The following HS6ST3 variants were observed in gnomAD, a reference collection of about 807,000 sequenced individuals.
HS6ST3 encodes heparan sulfate 6-O-sulfotransferase 3.
A neutral mutation model predicts 36.7 loss-of-function variants in HS6ST3; 12 were observed. That is an observed-to-expected ratio of 0.33 (90% CI 0.21 to 0.53). HS6ST3 has a LOEUF of 0.53. HS6ST3 is among the 20% of genes least tolerant of loss of function. The probability of loss-of-function intolerance (pLI) is 0.95; values close to 1 mark genes in which losing one functional copy is unlikely to be tolerated. For synonymous variants in HS6ST3, 240 were observed against 257.5 expected, an observed-to-expected ratio of 0.93 and a Z score of 0.65; for missense variants, 584 against 640.9, an observed-to-expected ratio of 0.91 and a Z score of 0.96.
intron 1 of HS6ST3, among the ~76,000 whole-genome samples, chr13:96,240,190 CA>C (rs1320100824): frequency 3.3e-5 from 5 of 152,074 alleles, no homozygotes; most frequent in Middle Eastern, 3.2e-3. Context: ...ACTAGGCATA[CA>C]AAAGCAAGAT....
chr13:96,550,384 C>G (rs574591417), intron 1 of HS6ST3, among the ~76,000 whole-genome samples: 190 of 152,254 alleles, frequency 1.2e-3, no homozygotes, highest in South Asian at 3.3e-3. Context: ...TGAGGCCTCA[C>G]CAGAGGCTGA....
At chr13:96,215,473 A>G (rs1000164323) in intron 1 of HS6ST3, among the ~76,000 whole-genome samples, 2 of 152,332 alleles carry the variant, frequency 1.3e-5, no homozygotes, top group African/African-American at 4.8e-5. Flanking sequence ...AGTCAAAATT[A>G]TTTCTTGGTG....
intron 1 of HS6ST3, among the ~76,000 whole-genome samples, chr13:96,799,298 C>T (rs963865497): frequency 6.6e-6 from 1 of 152,048 alleles, no homozygotes; most frequent in Admixed American, 6.6e-5. Flanking sequence ...TTAATGATTG[C>T]CATTCTAACT....
chr13:96,180,972 G>A (rs1566901335), intron 1 of HS6ST3, among the ~76,000 whole-genome samples: 1 of 152,142 alleles, frequency 6.6e-6, no homozygotes, highest in Non-Finnish European at 1.5e-5. Context: ...GTTATGGAGA[G>A]TTAATTTGCC....
chr13:96,285,919 T>C (rs1925122), intron 1 of HS6ST3, among the ~76,000 whole-genome samples: 51,377 of 143,764 alleles, frequency 0.36, 9,196 homozygotes, highest in South Asian at 0.42. Flanking sequence ...CTCCCCCACT[T>C]TCCCTCCTTC....
intron 1 of HS6ST3, among the ~76,000 whole-genome samples, chr13:96,137,829 T>G (rs991639831): frequency 6.6e-6 from 1 of 152,232 alleles, no homozygotes; most frequent in African/African-American, 2.4e-5. Flanking sequence ...TGAACATTTT[T>G]AAAGAATGTT....
chr13:96,572,520 A>T (rs1257328678), intron 1 of HS6ST3, among the ~76,000 whole-genome samples: 1 of 152,158 alleles, frequency 6.6e-6, no homozygotes, highest in Non-Finnish European at 1.5e-5. Context: ...CAGTAGATAT[A>T]TCTGGCAGTA....
intron 1 of HS6ST3, among the ~76,000 whole-genome samples, chr13:96,255,166 C>T (rs2054630757): frequency 6.6e-6 from 1 of 152,210 alleles, no homozygotes; most frequent in African/African-American, 2.4e-5. Flanking sequence ...CAGAGATAAG[C>T]ATCTCCATCC....
intron 1 of HS6ST3, among the ~76,000 whole-genome samples, chr13:96,245,453 C>T (rs1366527161): frequency 2.0e-5 from 3 of 152,262 alleles, no homozygotes; most frequent in Non-Finnish European, 2.9e-5. Context: ...AGAGTTTCCT[C>T]GGCCCATTCA....
chr13:96,627,243 G>A (rs2056516166), intron 1 of HS6ST3, among the ~76,000 whole-genome samples: 1 of 152,048 alleles, frequency 6.6e-6, no homozygotes, highest in Admixed American at 6.5e-5. Flanking sequence ...AATCATAAAT[G>A]TGTGTTGAGT....
At chr13:96,292,468 T>C (rs955083566) in intron 1 of HS6ST3, among the ~76,000 whole-genome samples, 1 of 152,136 alleles carries the variant, frequency 6.6e-6, no homozygotes, top group African/African-American at 2.4e-5. Context: ...AAATTAAAAG[T>C]ACTTTATTAA....
intron 1 of HS6ST3, among the ~76,000 whole-genome samples, chr13:96,439,003 G>C (rs527554046): frequency 1.9e-3 from 286 of 152,140 alleles, no homozygotes; most frequent in African/African-American, 6.4e-3. Flanking sequence ...GGAGGCAGAG[G>C]CTGCAGTGAA....
chr13:96,348,774 A>G lies in HS6ST3; in HGVS notation c.707+257205A>G, dbSNP rs539847451. On this transcript the variant is annotated intron_variant, in intron 1 of 1. Coordinates refer to ENST00000376705, the MANE Select transcript of HS6ST3 (RefSeq NM_153456.4). Reference sequence around the variant, plus strand: ...GTGTGGGCACATCTTGGAGCAGCCAATCTCTTTTCATCTGCATCTCTTTAG... The same window carrying G: ...GTGTGGGCACATCTTGGAGCAGCCAGTCTCTTTTCATCTGCATCTCTTTAG... Among the ~76,000 whole-genome samples, 8 of 152,290 alleles carry G rather than the reference A, an allele frequency of 5.3e-5. No homozygotes were observed. In the South Asian group the frequency reaches 6.2e-4, roughly 12 times the overall value.
At chr13:96,618,751 T>C (rs1451293774) in intron 1 of HS6ST3, among the ~76,000 whole-genome samples, 1 of 152,184 alleles carries the variant, frequency 6.6e-6, no homozygotes, top group Non-Finnish European at 1.5e-5. Flanking sequence ...CCACCTTTTG[T>C]CATTTACATT....
intron 1 of HS6ST3, among the ~76,000 whole-genome samples, chr13:96,418,294 A>G (rs2055544911): frequency 6.6e-6 from 1 of 152,244 alleles, no homozygotes; most frequent in Admixed American, 6.5e-5. Context: ...GCCACATTGA[A>G]CATGCAGTAT....
chr13:96,780,610 A>G (rs9584410), intron 1 of HS6ST3, among the ~76,000 whole-genome samples: 56,485 of 151,942 alleles, frequency 0.37, 11,313 homozygotes, highest in African/African-American at 0.52. Flanking sequence ...ATTTCCTATA[A>G]TTATATGGGT....
chr13:96,268,183 AAC>A lies in HS6ST3; in HGVS notation c.707+176618_707+176619del, dbSNP rs1000151742. Among the ~76,000 whole-genome samples, 18 of 152,118 alleles carry A rather than the reference AAC, an allele frequency of 1.2e-4. 1 individual carries two copies. The highest frequency in any genetic ancestry group is 6.8e-3 in the Middle Eastern group (2 of 294). On this transcript the variant is annotated intron_variant, in intron 1 of 1. Coordinates refer to ENST00000376705, the MANE Select transcript of HS6ST3 (RefSeq NM_153456.4). ...GGCTCCAATCTATGAATTTTGGGGA[AAC>A]ACAATTTAGTCCTGTGTTAGTCCAT...
chr13:96,258,508 G>C (rs1042676062), intron 1 of HS6ST3, among the ~76,000 whole-genome samples: 1 of 152,126 alleles, frequency 6.6e-6, no homozygotes, highest in African/African-American at 2.4e-5. Flanking sequence ...ATTGTTTGTT[G>C]AACTCTCTGA....
intron 1 of HS6ST3, among the ~76,000 whole-genome samples, chr13:96,187,608 G>T (rs2054270478): frequency 6.6e-6 from 1 of 152,056 alleles, no homozygotes; most frequent in African/African-American, 2.4e-5. Context: ...TTGAATATTG[G>T]CTGTAGACTG....
Sources: allele counts gnomAD v4.1 joint callset (sites outside exome capture counted in the v4.1 genomes callset), GRCh38; gene constraint gnomAD v4.1.1; transcripts MANE v1.5; gene names NCBI Gene and HGNC (gene_info 2026-07-23, HGNC 2026-07-21).